Variants in OXNAD1 observed in about 807,000 individuals in gnomAD.
OXNAD1 encodes the protein oxidoreductase NAD binding domain containing 1.
OXNAD1 carries 34 observed loss-of-function variants against 32.9 expected under a neutral mutation model. That is an observed-to-expected ratio of 1.03 (90% CI 0.79 to 1.38). OXNAD1 has a LOEUF of 1.38. Among genes scored for constraint, OXNAD1 ranks in the 40% most tolerant of loss-of-function variants. The pLI is 0.00. For synonymous variants in OXNAD1, 134 were observed against 135.2 expected (o/e 0.99, Z 0.06); for missense variants, 407 against 379.4 (o/e 1.07, Z -0.60).
downstream of OXNAD1, among the ~76,000 whole-genome samples, chr3:16,306,863 T>C (rs1223004213): frequency 2.6e-5 from 4 of 152,240 alleles, no homozygotes; most frequent in Non-Finnish European, 1.5e-5. Flanking sequence ...TTTAATGCTG[T>C]TAAGATGGAT....
In OXNAD1 at chr3:16,271,266, C is replaced by T. The variant is rs1224103435; in HGVS notation, c.119+195C>T. 5.8e-5 allele frequency: 37 copies of T among 640,288 alleles called. No homozygotes were observed. The highest frequency in any genetic ancestry group is 5.0e-4 in the South Asian group (25 of 50,258). 39.7% of individuals were successfully genotyped at this position (640,288 alleles called of 1,614,324 possible). A position where few individuals can be genotyped will look rare whatever the true frequency, so the allele number is the denominator to read the frequency against. ...TCGCCTGGGCTGGAGTGCAGTGGCA[C>T]GATCTTAGCTCACTGCAACCTCCAC... On this transcript the variant is annotated intron_variant, in intron 3 of 8. Coordinates refer to ENST00000285083, the MANE Select transcript of OXNAD1 (RefSeq NM_138381.5). The surrounding 1 kb of genome is among the most constrained non-coding windows in gnomAD (Gnocchi z 4.6).
At chr3:16,279,914 G>T (rs962762230) in intron 4 of OXNAD1, among the ~76,000 whole-genome samples, 7 of 152,200 alleles carry the variant, frequency 4.6e-5, no homozygotes, top group Non-Finnish European at 8.8e-5. Flanking sequence ...TGGGAGCAGA[G>T]AAATGGGGTG....
At chr3:16,300,132 C>T (rs368839533) in intron 6 of OXNAD1, among the ~76,000 whole-genome samples, 4 of 152,228 alleles carry the variant, frequency 2.6e-5, no homozygotes, top group East Asian at 1.9e-4. Context: ...ATTACCAACT[C>T]GGTCAGATCC....
chr3:16,341,796 A>G (rs1049883800), downstream of OXNAD1, among the ~76,000 whole-genome samples: 6 of 152,244 alleles, frequency 3.9e-5, no homozygotes, highest in African/African-American at 1.4e-4. The surrounding 1 kb of genome is among the most constrained non-coding windows in gnomAD (Gnocchi z 4.7). Flanking sequence ...TAAAAGCCTA[A>G]TAACAGAAAC....
At chr3:16,307,803 T>G (rs1270786511), downstream of OXNAD1, among the ~76,000 whole-genome samples, 1 of 152,128 alleles carries the variant, frequency 6.6e-6, no homozygotes, top group African/African-American at 2.4e-5. Flanking sequence ...TTCCTCTATA[T>G]CCTTCATCCA....
rs113454882 is a variant in OXNAD1 at position 16,330,460 on chromosome 3, G to C, written c.*31-6652G>C. Among the ~76,000 whole-genome samples the C allele has an allele frequency of 4.6e-5, 7 of 152,322 alleles. 1 individual carries two copies. Among genetic ancestry groups the C allele is most frequent in the African/African-American group, 1.4e-4 (6 of 41,574 alleles). Reference sequence around the variant, plus strand: ...GGTAGGAAACATATCCGGATGGAAGGCTCTCTTTGATCTGCTTTTTTGTGA... The same window carrying C: ...GGTAGGAAACATATCCGGATGGAAGCCTCTCTTTGATCTGCTTTTTTGTGA... On this transcript the variant is annotated intron_variant, in intron 9 of 9. Transcript: ENST00000435829.
Position 16,345,980 on chromosome 3 carries a change from A to G in OXNAD1, c.*31-3196A>G, listed in dbSNP as rs1347593737. 6.6e-6 allele frequency: 1 copy of G among 152,088 alleles called. No individual in the cohort carries two copies. The highest frequency in any genetic ancestry group is 1.5e-5 in the Non-Finnish European group (1 of 68,018). 9.4% of individuals were successfully genotyped at this position (152,088 alleles called of 1,614,324 possible). A position where few individuals can be genotyped will look rare whatever the true frequency, so the allele number is the denominator to read the frequency against. On this transcript the variant is annotated intron_variant, in intron 9 of 9. Transcript: ENST00000606098. The surrounding 1 kb of genome is among the most constrained non-coding windows in gnomAD (Gnocchi z 5.2). The stretch of plus-strand genomic sequence containing the variant: ...GTCACAGGATTTTGAAAACGTGATC[A>G]TTTGTTTCATCCTCTCTTCCTCTGC...
At chr3:16,311,661 A>G (rs1471962845) in intron 9 of OXNAD1, among the ~76,000 whole-genome samples, 6 of 152,150 alleles carry the variant, frequency 3.9e-5, no homozygotes, top group Non-Finnish European at 7.4e-5. Flanking sequence ...TTGCTTCTGA[A>G]TAACTCTCAA....
In OXNAD1 at chr3:16,290,163, C is replaced by T. The variant is rs2066334117; in HGVS notation, c.290+3715C>T. Among the ~76,000 whole-genome samples the T allele has an allele frequency of 6.6e-6, 1 of 152,162 alleles. No homozygotes were observed. The highest frequency in any genetic ancestry group is 6.5e-5 in the Admixed American group (1 of 15,280). ...TTGGATGTGGACATCCACTGCTTCACCGCGCACCTAGGCTCCTTCTGCATA... is the reference window on the plus strand; with the variant it reads ...TTGGATGTGGACATCCACTGCTTCATCGCGCACCTAGGCTCCTTCTGCATA... On this transcript the variant is annotated intron_variant, in intron 5 of 8. Coordinates refer to ENST00000285083, the MANE Select transcript of OXNAD1 (RefSeq NM_138381.5). This position sits in a 1 kb window ranked among gnomAD's most constrained non-coding sequence, Gnocchi z 4.2.
In OXNAD1 at chr3:16,294,878, GTC is replaced by G; in HGVS notation, c.317_318del (p.Ser106CysfsTer42). 1 of 1,612,426 alleles carries G rather than the reference GTC, an allele frequency of 6.2e-7. No individual in the cohort carries two copies. The highest frequency in any genetic ancestry group is 8.5e-7 in the Non-Finnish European group (1 of 1,179,260). On this transcript the variant is annotated frameshift_variant, in exon 6 of 9. Coordinates refer to ENST00000285083, the MANE Select transcript of OXNAD1 (RefSeq NM_138381.5). LOFTEE classifies it high-confidence loss of function. ...GQWVDFFIPG[V>X]SVVGGFSICS... ...TAGGGTTGATTTCTTTATTCCAGGA[GTC>G]TCTGTGGTTGGTGGGTTTTCAATAT...
rs2068351119 is a variant in OXNAD1, at chr3:16,316,002, G to C, written c.*30+12410G>C. 1 of 152,300 alleles carries C rather than the reference G, an allele frequency of 6.6e-6. No homozygotes were observed. Among genetic ancestry groups the C allele is most frequent in the Non-Finnish European group, 1.5e-5 (1 of 68,054 alleles). The allele number at this position is 152,300 out of a possible 1,614,324, so 9.4% of individuals were successfully genotyped here. On this transcript the variant is annotated intron_variant, in intron 9 of 9. Coordinates refer to the OXNAD1 transcript ENST00000435829. This position sits in a 1 kb window ranked among gnomAD's most constrained non-coding sequence, Gnocchi z 4.5. ...AATACTTTCTGGACGATATACACAT[G>C]ATAAACACAGCATACATGGGTAACA...
At chr3:16,309,701 T>C (rs181793124), downstream of OXNAD1, among the ~76,000 whole-genome samples, 20 of 151,784 alleles carry the variant, frequency 1.3e-4, no homozygotes, top group East Asian at 3.9e-3. Context: ...GGGAGGAACA[T>C]GACACCAGGC....
chr3:16,313,915 A>C (rs1257085910), intron 9 of OXNAD1, among the ~76,000 whole-genome samples: 3 of 152,148 alleles, frequency 2.0e-5, no homozygotes, highest in Non-Finnish European at 4.4e-5. Context: ...TTAGATAAGA[A>C]TTCTTCTTCC....
In OXNAD1 at chr3:16,316,882, G is replaced by A. The variant is rs1310872451; in HGVS notation, c.*30+13290G>A. 1 of 1,614,142 alleles carries A rather than the reference G, an allele frequency of 6.2e-7. No individual in the cohort carries two copies. Among genetic ancestry groups the A allele is most frequent in the Non-Finnish European group, 8.5e-7 (1 of 1,180,028 alleles). On this transcript the variant is annotated intron_variant, in intron 9 of 9. Coordinates refer to the OXNAD1 transcript ENST00000435829. This position sits in a 1 kb window ranked among gnomAD's most constrained non-coding sequence, Gnocchi z 4.5. ...TGACTTCCTCAGCATCCCCGTCCCT[G>A]GCATCCTCTCCAGGATTGGAGTGCC...
intron 4 of OXNAD1, chr3:16,272,035 T>C: frequency 2.0e-6 from 1 of 490,658 alleles, no homozygotes; most frequent in Non-Finnish European, 3.7e-6. Flanking sequence ...TAGAACTTCC[T>C]TTAAAGCCTA....
chr3:16,309,287 C>T (rs2067789790), downstream of OXNAD1, among the ~76,000 whole-genome samples: 1 of 152,136 alleles, frequency 6.6e-6, no homozygotes, highest in Non-Finnish European at 1.5e-5. Context: ...GCACATACTC[C>T]TGTAGAATTA....
rs1033679030 is a variant in OXNAD1 at position 16,301,096 on chromosome 3, A to G, written c.433-530A>G. Among the ~76,000 whole-genome samples, 10 of 152,222 alleles carry G rather than the reference A, an allele frequency of 6.6e-5. No individual in the cohort carries two copies. The highest frequency in any genetic ancestry group is 2.2e-4 in the African/African-American group (9 of 41,450). On this transcript the variant is annotated intron_variant, in intron 6 of 8. Coordinates refer to ENST00000285083, the MANE Select transcript of OXNAD1 (RefSeq NM_138381.5). This position sits in a 1 kb window ranked among gnomAD's most constrained non-coding sequence, Gnocchi z 4.1. ...TAGGGAGACAGGAACAGCACTGAAC[A>G]GTACTACAGGGCTGGTCTAAGCCTG...
chr3:16,281,756 TC>T (rs2065754899), intron 4 of OXNAD1, among the ~76,000 whole-genome samples: 1 of 152,192 alleles, frequency 6.6e-6, no homozygotes, highest in African/African-American at 2.4e-5. Flanking sequence ...CAGCTGAAAT[TC>T]TTTTCCCTAT....
chr3:16,324,606 G>T (rs1393285317), intron 9 of OXNAD1, among the ~76,000 whole-genome samples: 2 of 114,354 alleles, frequency 1.7e-5, no homozygotes, highest in Non-Finnish European at 1.8e-5. Context: ...ATAACAGAAT[G>T]TCCCTGACCC....
Sources: allele counts gnomAD v4.1 joint callset (sites outside exome capture counted in the v4.1 genomes callset), GRCh38; gene constraint gnomAD v4.1.1; non-coding constraint Gnocchi (gnomAD v3.1); transcripts MANE v1.5; gene names NCBI Gene and HGNC (gene_info 2026-07-23, HGNC 2026-07-21).